SLC14A2: variants seen among roughly 807,000 people sequenced by gnomAD.
The protein encoded by SLC14A2 is solute carrier family 14 member 2.
In SLC14A2, 91 loss-of-function variants were observed where a neutral mutation model predicts 104.6. The ratio of observed to expected loss-of-function variants is 0.87; its 90% confidence interval spans 0.73 to 1.04. SLC14A2 has a LOEUF of 1.04. SLC14A2 is among the 50% of genes least tolerant of loss of function. The pLI is 0.00. For missense variants in SLC14A2, 1,189 were observed against 1,156.0 expected (o/e 1.03, Z -0.41); for synonymous variants, 476 against 466.4 (o/e 1.02, Z -0.27).
At chr18:45,492,495 A>T (rs986057203) in intron 2 of SLC14A2, among the ~76,000 whole-genome samples, 1 of 152,186 alleles carries the variant, frequency 6.6e-6, no homozygotes, top group East Asian at 1.9e-4. Context: ...ATCAGATCTC[A>T]TGAGAATTCA....
At chr18:45,399,741 C>G (rs2086075263) in intron 1 of SLC14A2, among the ~76,000 whole-genome samples, 1 of 152,148 alleles carries the variant, frequency 6.6e-6, no homozygotes, top group African/African-American at 2.4e-5. Context: ...ACACTGCCAA[C>G]CACACAGGAA....
chr18:45,506,501 T>C (rs936294248), intron 2 of SLC14A2, among the ~76,000 whole-genome samples: 2 of 152,040 alleles, frequency 1.3e-5, no homozygotes, highest in African/African-American at 4.8e-5. Flanking sequence ...GTTAAGGCTC[T>C]CCAAATGATA....
chr18:45,338,325 C>T (rs776362047), intron 1 of SLC14A2, among the ~76,000 whole-genome samples: 2 of 151,998 alleles, frequency 1.3e-5, no homozygotes, highest in African/African-American at 2.4e-5. Context: ...CTCAGCCTCC[C>T]GATTAGCTGG....
At chr18:45,511,924 AGAG>A (rs2144789146) in intron 2 of SLC14A2, among the ~76,000 whole-genome samples, 1 of 152,312 alleles carries the variant, frequency 6.6e-6, no homozygotes, top group South Asian at 2.1e-4. Context: ...GAAAATATTC[AGAG>A]GAGGAGCAGT....
At chr18:45,619,808 T>C (rs1816701173) in intron 1 of SLC14A2, among the ~76,000 whole-genome samples, 1 of 152,170 alleles carries the variant, frequency 6.6e-6, no homozygotes, top group South Asian at 2.1e-4. Context: ...GTACTTCATC[T>C]GGCTGCTCCC....
At chr18:45,268,976 G>GTGTGTGTGTGTGTGTGTGTA (rs771261044) in intron 1 of SLC14A2, among the ~76,000 whole-genome samples, 70 of 151,712 alleles carry the variant, frequency 4.6e-4, no homozygotes, top group African/African-American at 1.6e-3. Context: ...GTGTGTGTGT[G>GTGTGTGTGTGTGTGTGTGTA]TGTGTGTGTG....
intron 1 of SLC14A2, among the ~76,000 whole-genome samples, chr18:45,312,484 T>C (rs1307203451): frequency 2.0e-5 from 3 of 152,176 alleles, no homozygotes; most frequent in Non-Finnish European, 4.4e-5. Flanking sequence ...TTCTCTTTGA[T>C]GAACTCCATA....
chr18:45,537,196 C>A (rs1471020888), intron 2 of SLC14A2, among the ~76,000 whole-genome samples: 1 of 151,766 alleles, frequency 6.6e-6, no homozygotes, highest in African/African-American at 2.4e-5. Flanking sequence ...GCAACAACAA[C>A]AAAATACCTG....
intron 1 of SLC14A2, among the ~76,000 whole-genome samples, chr18:45,345,816 C>T (rs1242362869): frequency 6.6e-6 from 1 of 152,108 alleles, no homozygotes; most frequent in Admixed American, 6.5e-5. Context: ...AGTTTTAATC[C>T]AGAGGAAATA....
chr18:45,397,816 T>A (rs747463989), intron 1 of SLC14A2, among the ~76,000 whole-genome samples: 12 of 152,142 alleles, frequency 7.9e-5, no homozygotes, highest in Non-Finnish European at 1.6e-4. Context: ...ACATTAGAGA[T>A]AACAATAGTA....
At chr18:45,461,168 C>T (rs2612550) in intron 1 of SLC14A2, among the ~76,000 whole-genome samples, 38,432 of 152,054 alleles carry the variant, frequency 0.25, 4,950 homozygotes, top group Non-Finnish European at 0.28. Context: ...CAGTTTCTTA[C>T]TTTTCCCAAT....
At chr18:45,238,491 T>C (rs1322086678) in intron 1 of SLC14A2, among the ~76,000 whole-genome samples, 3 of 152,160 alleles carry the variant, frequency 2.0e-5, no homozygotes, top group African/African-American at 7.2e-5. Context: ...ACTCTACTTC[T>C]AGAAATATAG....
chr18:45,388,736 A>G (rs2085929050), intron 1 of SLC14A2, among the ~76,000 whole-genome samples: 1 of 152,190 alleles, frequency 6.6e-6, no homozygotes, highest in Non-Finnish European at 1.5e-5. Context: ...TGGCACTTGC[A>G]TGAAGAAGAG....
intron 1 of SLC14A2, among the ~76,000 whole-genome samples, chr18:45,363,069 C>G (rs377715167): frequency 1.3e-4 from 20 of 152,310 alleles, no homozygotes; most frequent in East Asian, 9.6e-4. Context: ...AACGACCCCC[C>G]CAACCCTCGG....
intron 1 of SLC14A2, among the ~76,000 whole-genome samples, chr18:45,350,556 G>A (rs1394213848): frequency 6.6e-6 from 1 of 152,106 alleles, no homozygotes; most frequent in Non-Finnish European, 1.5e-5. Context: ...AGCATGAGGG[G>A]TGTGTGGCTG....
chr18:45,644,819 T>C (rs1490473195), intron 10 of SLC14A2, among the ~76,000 whole-genome samples: 1 of 152,170 alleles, frequency 6.6e-6, no homozygotes, highest in Non-Finnish European at 1.5e-5. Flanking sequence ...GGATAAGCAT[T>C]TCTTAGTTTA....
At chr18:45,483,706 T>C (rs888425577) in intron 2 of SLC14A2, among the ~76,000 whole-genome samples, 1 of 152,226 alleles carries the variant, frequency 6.6e-6, no homozygotes, top group African/African-American at 2.4e-5. Context: ...TTAGTTTTCC[T>C]TCCTCATGCC....
In SLC14A2 at chr18:45,326,208, G is replaced by A. The variant is rs190017037; in HGVS notation, c.-125+113017G>A. 3.4e-3 allele frequency among the ~76,000 whole-genome samples: 525 copies of A among 152,294 alleles called. 5 individuals are homozygous for A. Among genetic ancestry groups the A allele is most frequent in the African/African-American group, 0.012 (503 of 41,566 alleles). On this transcript the variant is annotated intron_variant, in intron 1 of 20. Transcript: ENST00000586448. ...GCCAGAAGAAAAACAGTAAGAGATG[G>A]TCTGTCCAAAATATACATATGAGTA...
chr18:45,595,184 C>T (rs2044703556), intron 2 of SLC14A2, among the ~76,000 whole-genome samples: 1 of 152,118 alleles, frequency 6.6e-6, no homozygotes, highest in South Asian at 2.1e-4. Context: ...TACACCCTTT[C>T]TGTGTGTTTG....
Sources: allele counts gnomAD v4.1 joint callset (sites outside exome capture counted in the v4.1 genomes callset), GRCh38; gene constraint gnomAD v4.1.1; transcripts MANE v1.5; gene names NCBI Gene and HGNC (gene_info 2026-07-23, HGNC 2026-07-21).